The following CCDC3 variants were observed in gnomAD, a reference collection of about 807,000 sequenced individuals.
The protein encoded by CCDC3 is coiled-coil domain-containing protein 3.
In CCDC3, 24 loss-of-function variants were observed where a neutral mutation model predicts 21.4. The ratio of observed to expected loss-of-function variants is 1.12; its 90% confidence interval spans 0.81 to 1.58. CCDC3 has a LOEUF of 1.58. Ranked by LOEUF, CCDC3 falls within the 40% of genes most tolerant of loss-of-function variation. The pLI, the probability that CCDC3 is intolerant of heterozygous loss-of-function variation, is 0.00. For synonymous variants in CCDC3, 186 were observed against 166.0 expected (o/e 1.12, Z -0.93); for missense variants, 425 against 360.9 (o/e 1.18, Z -1.44).
intron 5 of CCDC3, among the ~76,000 whole-genome samples, chr10:13,049,392 C>G (rs1836574019): frequency 6.6e-6 from 1 of 152,018 alleles, no homozygotes; most frequent in South Asian, 2.1e-4. Context: ...TGGATGGCGC[C>G]AATGGCAAAC....
chr10:13,064,957 T>C lies in CCDC3; in HGVS notation c.-270+8911A>G, dbSNP rs191117644. Among the ~76,000 whole-genome samples the C allele has an allele frequency of 3.1e-3, 469 of 152,272 alleles. 3 individuals carry two copies. Among genetic ancestry groups the C allele is most frequent in the African/African-American group, 0.011 (446 of 41,558 alleles). ...GCAATCAGATATGCATTTATCTCGG[T>C]GAGCAGAGGGATGACTTTGAATAGA... On this transcript the variant is annotated intron_variant, in intron 4 of 6. Coordinates refer to the CCDC3 transcript ENST00000378839.
intron 4 of CCDC3, among the ~76,000 whole-genome samples, chr10:13,055,109 T>C (rs11258160): frequency 0.24 from 36,511 of 152,122 alleles, 4,522 homozygotes; most frequent in Admixed American, 0.27. Context: ...AAGACTTACT[T>C]AATGCCAAGC....
intron 3 of CCDC3, among the ~76,000 whole-genome samples, chr10:13,087,638 G>T (rs1285471054): frequency 1.3e-5 from 2 of 152,048 alleles, no homozygotes; most frequent in East Asian, 1.9e-4. Context: ...CTAAGGGGTA[G>T]AAGTTTTCCT....
At chr10:12,985,369 GTTTCT>G (rs1444893020) in intron 2 of CCDC3, among the ~76,000 whole-genome samples, 6 of 147,700 alleles carry the variant, frequency 4.1e-5, no homozygotes, top group South Asian at 2.1e-4. Flanking sequence ...TAATTTCAGG[GTTTCT>G]TTTAACACTA....
At chr10:13,010,490 G>A (rs1835971535) in intron 5 of CCDC3, among the ~76,000 whole-genome samples, 1 of 152,146 alleles carries the variant, frequency 6.6e-6, no homozygotes, top group Admixed American at 6.6e-5. Flanking sequence ...TCAAGAACAT[G>A]AAGGAACTGG....
rs1190652217 is a variant in CCDC3 at position 13,001,392 on chromosome 10, T to C, written c.179A>G (p.Asn60Ser). The change falls in exon 1 of 3, where the codon AAC becomes AGC. Residue 60 changes from asparagine (N) to serine (S), a missense_variant. By Grantham distance (46) the Asn-to-Ser change is conservative. Transcript: ENST00000378825. Reference protein sequence around the residue: ...ALHPEAPGLYNHLPWQYHAGQ... With the variant: ...ALHPEAPGLYSHLPWQYHAGQ... ...GGCGTGGTACTGCCAGGGCAGGTGG[T>C]TGTAGAGGCCGGGCGCCTCGGGGTG... 3.8e-6 allele frequency: 6 copies of C among 1,581,032 alleles called. No homozygotes were observed. Among genetic ancestry groups the C allele is most frequent in the Non-Finnish European group, 5.2e-6 (6 of 1,164,716 alleles).
intron 4 of CCDC3, among the ~76,000 whole-genome samples, chr10:13,068,391 G>A (rs1277121740): frequency 6.6e-6 from 1 of 152,022 alleles, no homozygotes; most frequent in Non-Finnish European, 1.5e-5. Context: ...CTTAAAAGAG[G>A]ATAAGCACTT....
At chr10:12,934,006 G>C (rs934709990) in intron 2 of CCDC3, among the ~76,000 whole-genome samples, 2 of 151,232 alleles carry the variant, frequency 1.3e-5, no homozygotes, top group African/African-American at 2.4e-5. Flanking sequence ...TCTTTTTGTT[G>C]TAGTTTCCAA....
rs530102716 is a variant in CCDC3 at position 12,920,779 on chromosome 10, C to T, written c.550-22100G>A. Reference sequence around the variant, plus strand: ...ATAAAAGCGAAGCTCAGAGCACTGACGTCACTTGCCTAAGTCCCCGTGACA... The same window carrying T: ...ATAAAAGCGAAGCTCAGAGCACTGATGTCACTTGCCTAAGTCCCCGTGACA... On this transcript the variant is annotated intron_variant, in intron 2 of 2. Transcript: ENST00000378825. Among the ~76,000 whole-genome samples the T allele has an allele frequency of 7.9e-5, 12 of 152,338 alleles. No individual in the cohort carries two copies. The East Asian group carries it at 1.9e-3, about 24-fold the overall frequency.
At chr10:12,947,930 C>T (rs1834942082) in intron 2 of CCDC3, among the ~76,000 whole-genome samples, 1 of 152,166 alleles carries the variant, frequency 6.6e-6, no homozygotes, top group Admixed American at 6.5e-5. Context: ...AGAAGACAGA[C>T]CCAAGATGTC....
chr10:12,907,241 A>G lies in CCDC3; in HGVS notation c.550-8562T>C, dbSNP rs72775675. On this transcript the variant is annotated intron_variant, in intron 2 of 2. Transcript: ENST00000378825. The stretch of plus-strand genomic sequence containing the variant: ...AAGGGATGCAGGTTGAAATAGAAGC[A>G]AGTCATTTTCAATGACTCGAAAATG... 5.9e-3 allele frequency among the ~76,000 whole-genome samples: 897 copies of G among 152,322 alleles called. 4 individuals carry two copies. The highest frequency in any genetic ancestry group is 0.014 in the Middle Eastern group (4 of 294).
At chr10:13,065,524 C>A (rs190838784) in intron 4 of CCDC3, among the ~76,000 whole-genome samples, 17 of 152,280 alleles carry the variant, frequency 1.1e-4, no homozygotes, top group Admixed American at 4.6e-4. Context: ...GCATGCTTGG[C>A]CACTCTATCT....
intron 2 of CCDC3, among the ~76,000 whole-genome samples, chr10:12,951,075 T>C (rs1768469844): frequency 6.6e-6 from 1 of 152,192 alleles, no homozygotes. Flanking sequence ...AAGTATTCAG[T>C]GAGCACTGTG....
intron 5 of CCDC3, among the ~76,000 whole-genome samples, chr10:13,016,334 GA>G (rs72075391): frequency 0.08 from 6,232 of 78,332 alleles, 169 homozygotes; most frequent in Admixed American, 0.18. Context: ...TTGGTAAAGC[GA>G]AAAAAAAAAA....
chr10:12,967,915 A>G (rs778375363), intron 2 of CCDC3, among the ~76,000 whole-genome samples: 51 of 152,204 alleles, frequency 3.4e-4, no homozygotes, highest in African/African-American at 1.2e-3. Context: ...TCATGCCTAT[A>G]ATCCCAGCGC....
At chr10:12,939,174 AC>A (rs1175452834) in intron 2 of CCDC3, among the ~76,000 whole-genome samples, 5 of 152,170 alleles carry the variant, frequency 3.3e-5, no homozygotes, top group Non-Finnish European at 5.9e-5. Context: ...CTTATCAATG[AC>A]CTTGCTTCCT....
chr10:13,020,305 T>C (rs1184686753), intron 5 of CCDC3, among the ~76,000 whole-genome samples: 1 of 152,172 alleles, frequency 6.6e-6, no homozygotes, highest in East Asian at 1.9e-4. Flanking sequence ...TCCCATGAAT[T>C]CTAAATTGTC....
intron 2 of CCDC3, among the ~76,000 whole-genome samples, chr10:12,935,901 G>A (rs907433263): frequency 1.5e-4 from 23 of 152,120 alleles, no homozygotes; most frequent in Non-Finnish European, 8.8e-5. Flanking sequence ...ATAACAAGAC[G>A]TTCCTAATTC....
chr10:13,021,630 CTT>C (rs1212393307), intron 5 of CCDC3, among the ~76,000 whole-genome samples: 2 of 152,182 alleles, frequency 1.3e-5, no homozygotes, highest in Non-Finnish European at 1.5e-5. Context: ...ATACCTATCT[CTT>C]TTCTCTATTT....
Sources: allele counts gnomAD v4.1 joint callset (sites outside exome capture counted in the v4.1 genomes callset), GRCh38; gene constraint gnomAD v4.1.1; transcripts MANE v1.5; gene names NCBI Gene and HGNC (gene_info 2026-07-23, HGNC 2026-07-21).